Variants in ZBTB40 observed in about 807,000 individuals in gnomAD.
The protein encoded by ZBTB40 is zinc finger and BTB domain-containing protein 40.
In ZBTB40, 60 loss-of-function variants were observed where a neutral mutation model predicts 117.5. That is an observed-to-expected ratio of 0.51 (90% CI 0.41 to 0.63). The LOEUF is 0.63. Ranked by LOEUF, ZBTB40 falls within the 30% of genes least tolerant of loss-of-function variation. The pLI is 0.00. For synonymous variants in ZBTB40, 525 were observed against 577.1 expected (o/e 0.91, Z 1.29); for missense variants, 1,287 against 1,498.5 (o/e 0.86, Z 2.33).
chr1:22,476,128 A>G (rs1282854780), intron 1 of ZBTB40, among the ~76,000 whole-genome samples: 1 of 152,212 alleles, frequency 6.6e-6, no homozygotes, highest in Non-Finnish European at 1.5e-5. Flanking sequence ...CTCCCTATTC[A>G]TTAAAGGGAT....
At chr1:22,489,020 G>C (rs1638549988) in intron 1 of ZBTB40, among the ~76,000 whole-genome samples, 1 of 152,170 alleles carries the variant, frequency 6.6e-6, no homozygotes. Flanking sequence ...AGGATGACTT[G>C]GTTTTAGTCT....
Position 22,526,551 on chromosome 1 carries a change from CGTT to C in ZBTB40, c.*159_*161del. ...TCACCTAGAAAACAGATGGAAGCTT[CGTT>C]GTTCTCATAGAACCAACAGCATCTG... On this transcript the variant is annotated 3_prime_UTR_variant, in exon 18 of 18. Coordinates refer to ENST00000375647, the MANE Select transcript of ZBTB40 (RefSeq NM_014870.4). The C allele has an allele frequency of 1.0e-6, 1 of 971,162 alleles. No individual in the cohort carries two copies. The highest frequency in any genetic ancestry group is 2.6e-5 in the East Asian group (1 of 37,754). 60.2% of individuals were successfully genotyped at this position (971,162 alleles called of 1,614,324 possible). A position where few individuals can be genotyped will look rare whatever the true frequency, so the allele number is the denominator to read the frequency against.
chr1:22,501,212 A>G (rs1250639023), intron 3 of ZBTB40, among the ~76,000 whole-genome samples: 2 of 152,164 alleles, frequency 1.3e-5, no homozygotes, highest in African/African-American at 2.4e-5. Context: ...AGTGAAGAGG[A>G]GGTAGGGCCT....
chr1:22,512,428 A>C (rs911320702), intron 11 of ZBTB40, among the ~76,000 whole-genome samples: 12 of 152,242 alleles, frequency 7.9e-5, no homozygotes, highest in Admixed American at 7.8e-4. Flanking sequence ...TAACAGAGTG[A>C]GCACACAATA....
intron 14 of ZBTB40, among the ~76,000 whole-genome samples, chr1:22,520,605 A>G (rs1639496315): frequency 6.6e-6 from 1 of 152,190 alleles, no homozygotes; most frequent in South Asian, 2.1e-4. Flanking sequence ...TGGGCATGAC[A>G]GCGGCAATGG....
upstream of ZBTB40, among the ~76,000 whole-genome samples, chr1:22,451,371 T>C (rs2124374926): frequency 6.6e-6 from 1 of 152,236 alleles, no homozygotes; most frequent in East Asian, 1.9e-4. Flanking sequence ...CCATTAGAAC[T>C]TTCCTTAGGG....
intron 6 of ZBTB40, among the ~76,000 whole-genome samples, chr1:22,506,783 G>T (rs1046961326): frequency 2.0e-5 from 3 of 152,128 alleles, no homozygotes; most frequent in Non-Finnish European, 4.4e-5. Context: ...TCAGAAAAAG[G>T]ATATTTGTTC....
At chr1:22,454,693 G>A (rs1477753218) in intron 1 of ZBTB40, among the ~76,000 whole-genome samples, 2 of 152,240 alleles carry the variant, frequency 1.3e-5, no homozygotes, top group African/African-American at 4.8e-5. Flanking sequence ...CCCTGGCCGT[G>A]AACCCAGCTA....
Position 22,530,895 on chromosome 1 carries a change from G to A in ZBTB40, c.*4499G>A, listed in dbSNP as rs1382386622. On this transcript the variant is annotated 3_prime_UTR_variant, in exon 18 of 18. Coordinates refer to ENST00000375647, the MANE Select transcript of ZBTB40 (RefSeq NM_014870.4). ...CTCATTCCTAAACCCTCCTTCCCAGGGAGCAAGTGTGGGGCAGGGTTTCAG... is the reference window on the plus strand; with the variant it reads ...CTCATTCCTAAACCCTCCTTCCCAGAGAGCAAGTGTGGGGCAGGGTTTCAG... The A allele has an allele frequency of 6.6e-6, 1 of 152,114 alleles. No individual in the cohort carries two copies. Among genetic ancestry groups the A allele is most frequent in the Non-Finnish European group, 1.5e-5 (1 of 68,050 alleles). The allele number at this position is 152,114 out of a possible 1,614,324, so 9.4% of individuals were successfully genotyped here.
At chr1:22,449,815 A>G (rs866607923), upstream of ZBTB40, among the ~76,000 whole-genome samples, 1 of 152,362 alleles carries the variant, frequency 6.6e-6, no homozygotes, top group Non-Finnish European at 1.5e-5. Context: ...GTTAAGTGGA[A>G]CAGGAGGGAC....
chr1:22,522,555 T>C (rs1639560942), intron 16 of ZBTB40, 92 bp downstream of exon 16: 1 of 1,214,052 alleles, frequency 8.2e-7, no homozygotes, highest in South Asian at 1.2e-5. Context: ...GCTAAATCGC[T>C]TAACAAACCT....
intron 17 of ZBTB40, 56 bp downstream of exon 17, chr1:22,524,500 C>T: frequency 1.3e-6 from 2 of 1,568,748 alleles, no homozygotes; most frequent in Admixed American, 1.7e-5. Context: ...CCTAAGGCTT[C>T]TCTAGAGGTG....
At chr1:22,470,235 T>C (rs1300031871) in intron 1 of ZBTB40, among the ~76,000 whole-genome samples, 1 of 152,230 alleles carries the variant, frequency 6.6e-6, no homozygotes, top group Non-Finnish European at 1.5e-5. Flanking sequence ...AATTACATAA[T>C]CTCTGAGGAT....
rs975534254 is a variant in ZBTB40 at position 22,526,311 on chromosome 1, C to T, written c.3635C>T (p.Ser1212Phe). Reference sequence around the variant, plus strand: ...GTGACGTTGCCAGATTCTCAGGCATCTCAGGCCAGCTCTGAGCTCGTGGCG... The same window carrying T: ...GTGACGTTGCCAGATTCTCAGGCATTTCAGGCCAGCTCTGAGCTCGTGGCG... The part of the protein sequence containing the change: ...VFVTLPDSQA[S>F]QASSELVAVT... Residue 1212 changes from serine (S) to phenylalanine (F), a missense_variant, in exon 18 of 18, where the codon TCT becomes TTT. Transcript: ENST00000375647. The T allele has an allele frequency of 2.5e-6, 4 of 1,614,104 alleles. No homozygotes were observed. Among genetic ancestry groups the T allele is most frequent in the Non-Finnish European group, 3.4e-6 (4 of 1,180,052 alleles).
rs1638596818 is a variant in ZBTB40, at chr1:22,490,464, A to G, written c.516A>G (p.Lys172=). 6.2e-7 allele frequency: 1 copy of G among 1,600,562 alleles called. No individual in the cohort carries two copies. The highest frequency in any genetic ancestry group is 8.5e-7 in the Non-Finnish European group (1 of 1,172,818). Residue 172 remains lysine, a synonymous_variant, in exon 2 of 18, where the codon AAA becomes AAG. Transcript: ENST00000375647. ...CTGCCACTCCAGGGGGCCCTGTGAA[A>G]GCTGAGACTGAGGAAGCAGCCCATT... is the stretch of plus-strand genomic sequence containing the variant. The part of the protein sequence containing the change: ...ELAATPGGPV[K]AETEEAAHSV...
chr1:22,446,831 G>A lies in ZBTB40; in HGVS notation c.-70+17817G>A, dbSNP rs574145916. ...ATTATATAGGTTAGAGGCTGGTCGC[G>A]GTGGCTCACGCCTGTAACCCCAGTA... On this transcript the variant is annotated intron_variant, in intron 1 of 8. Transcript: ENST00000650433. Among the ~76,000 whole-genome samples the A allele has an allele frequency of 9.3e-4, 141 of 152,230 alleles. 1 individual carries two copies. The highest frequency in any genetic ancestry group is 3.2e-3 in the African/African-American group (134 of 41,540).
chr1:22,510,084 G>A (rs746362629), intron 9 of ZBTB40, among the ~76,000 whole-genome samples: 1 of 152,222 alleles, frequency 6.6e-6, no homozygotes, highest in Non-Finnish European at 1.5e-5. Context: ...ACACAATGTG[G>A]CCAGCATCCC....
intron 1 of ZBTB40, among the ~76,000 whole-genome samples, chr1:22,461,346 T>C (rs1427159990): frequency 2.9e-5 from 4 of 136,860 alleles, no homozygotes; most frequent in Non-Finnish European, 4.8e-5. Context: ...TTTTTTTTTT[T>C]CTGGACAGTA....
chr1:22,433,443 A>ACAAAAAC (rs1557469780), intron 1 of ZBTB40, among the ~76,000 whole-genome samples: 7 of 139,676 alleles, frequency 5.0e-5, no homozygotes, highest in Middle Eastern at 3.6e-3. Flanking sequence ...AAAAAAAAAA[A>ACAAAAAC]AAAAAAAAAA....
Sources: allele counts gnomAD v4.1 joint callset (sites outside exome capture counted in the v4.1 genomes callset), GRCh38; gene constraint gnomAD v4.1.1; transcripts MANE v1.5; gene names NCBI Gene and HGNC (gene_info 2026-07-23, HGNC 2026-07-21).